OLA1: variants seen among roughly 807,000 people sequenced by gnomAD.
The protein encoded by OLA1 is Obg like ATPase 1, also known as obg-like ATPase 1.
Under a neutral mutation model 48.4 loss-of-function variants are expected in OLA1, and 14 were observed. The observed-to-expected ratio is 0.29, with a 90% CI of 0.19 to 0.45. The LOEUF is 0.45. OLA1 is among the 20% of genes least tolerant of loss of function. The pLI, the probability that OLA1 is intolerant of heterozygous loss-of-function variation, is 1.00. For missense variants in OLA1, 325 were observed against 467.1 expected, an observed-to-expected ratio of 0.70 and a Z score of 2.80; for synonymous variants, 127 against 150.4, an observed-to-expected ratio of 0.84 and a Z score of 1.14.
chr2:174,142,112 T>G, intron 4 of OLA1, 112 bp from the exon 5 acceptor site: 2 of 959,040 alleles, frequency 2.1e-6, no homozygotes, highest in Non-Finnish European at 3.1e-6. Flanking sequence ...AATAAATTAC[T>G]CTGGCTTCTT....
chr2:174,217,582 T>C (rs1688391459), intron 4 of OLA1, among the ~76,000 whole-genome samples: 1 of 152,112 alleles, frequency 6.6e-6, no homozygotes, highest in African/African-American at 2.4e-5. Flanking sequence ...CAGTCAGATG[T>C]ATACATGTCT....
At chr2:174,076,359 G>A (rs535410613) in intron 10 of OLA1, among the ~76,000 whole-genome samples, 108 of 152,230 alleles carry the variant, frequency 7.1e-4, no homozygotes, top group African/African-American at 2.5e-3. Flanking sequence ...GCACACAGCT[G>A]ACATGGTCCC....
intron 4 of OLA1, among the ~76,000 whole-genome samples, chr2:174,211,688 A>T (rs193159159): frequency 1.4e-3 from 207 of 152,282 alleles, no homozygotes; most frequent in Non-Finnish European, 2.1e-3. Flanking sequence ...GAAATCTATC[A>T]ATAGTATAAT....
chr2:174,078,546 T>C (rs1684797051), intron 10 of OLA1, among the ~76,000 whole-genome samples: 1 of 151,940 alleles, frequency 6.6e-6, no homozygotes. Context: ...AGTAAAACCA[T>C]GAAGTTTTAG....
At chr2:174,143,422 T>C (rs764780606) in intron 4 of OLA1, among the ~76,000 whole-genome samples, 44 of 152,216 alleles carry the variant, frequency 2.9e-4, no homozygotes, top group Middle Eastern at 3.4e-3. Flanking sequence ...CTTATGCAAA[T>C]AGCATGATAA....
At chr2:174,141,214 G>A (rs541764590) in intron 5 of OLA1, among the ~76,000 whole-genome samples, 8 of 152,352 alleles carry the variant, frequency 5.3e-5, no homozygotes, top group African/African-American at 1.7e-4. Flanking sequence ...TTATAGGCGT[G>A]AGCCACCACG....
At chr2:174,134,084 C>T (rs956672356) in intron 5 of OLA1, among the ~76,000 whole-genome samples, 2 of 152,314 alleles carry the variant, frequency 1.3e-5, no homozygotes, top group African/African-American at 4.8e-5. Flanking sequence ...TTTTGAGGCT[C>T]ATGCACATTG....
intron 5 of OLA1, among the ~76,000 whole-genome samples, chr2:174,137,322 G>C (rs989348230): frequency 3.3e-5 from 5 of 152,138 alleles, no homozygotes; most frequent in Admixed American, 6.5e-5. Context: ...GCTGTAAACA[G>C]ATGTGCTGTC....
chr2:174,152,016 G>C (rs530850589), intron 4 of OLA1, among the ~76,000 whole-genome samples: 4 of 152,294 alleles, frequency 2.6e-5, no homozygotes, highest in African/African-American at 9.6e-5. Flanking sequence ...AAAGCAATTT[G>C]AGCAATTTGA....
At chr2:174,172,099 T>G (rs1457623533) in intron 4 of OLA1, 1 of 215,314 alleles carries the variant, frequency 4.6e-6, no homozygotes, top group African/African-American at 2.3e-5. Flanking sequence ...GTGAGATGTA[T>G]TTGTACACCA....
intron 4 of OLA1, among the ~76,000 whole-genome samples, chr2:174,142,506 C>G (rs1342398171): frequency 6.6e-6 from 1 of 152,100 alleles, no homozygotes; most frequent in African/African-American, 2.4e-5. Flanking sequence ...TTTCATCGGC[C>G]TGATTTGAGG....
intron 7 of OLA1, among the ~76,000 whole-genome samples, chr2:174,083,403 T>C (rs1415404719): frequency 6.6e-6 from 1 of 152,136 alleles, no homozygotes; most frequent in African/African-American, 2.4e-5. Flanking sequence ...CACAAGAGTT[T>C]GTATATGTTT....
At chr2:174,186,653 A>G (rs971046927) in intron 4 of OLA1, among the ~76,000 whole-genome samples, 2 of 151,444 alleles carry the variant, frequency 1.3e-5, no homozygotes, top group African/African-American at 4.8e-5. Flanking sequence ...GCCAAGACCT[A>G]TGTGCATTAC....
At chr2:174,163,590 T>C (rs1167066810) in intron 4 of OLA1, among the ~76,000 whole-genome samples, 2 of 150,542 alleles carry the variant, frequency 1.3e-5, no homozygotes, top group Non-Finnish European at 3.0e-5. Context: ...CTCGGGAGGC[T>C]GAGGCAGGAG....
chr2:174,082,636 AT>A (rs1684882446), intron 7 of OLA1, among the ~76,000 whole-genome samples: 1 of 152,134 alleles, frequency 6.6e-6, no homozygotes, highest in Admixed American at 6.6e-5. Context: ...AGATTTACAA[AT>A]ATGGTTGATC....
chr2:174,095,020 T>A (rs1685214548), intron 7 of OLA1, among the ~76,000 whole-genome samples: 1 of 152,238 alleles, frequency 6.6e-6, no homozygotes, highest in African/African-American at 2.4e-5. Context: ...TGTTTGTATG[T>A]CTATACTACA....
At chr2:174,221,578 GTTCTCTTGCCCCGATCC>G (rs1348926099) in intron 4 of OLA1, among the ~76,000 whole-genome samples, 2 of 151,950 alleles carry the variant, frequency 1.3e-5, no homozygotes, top group Non-Finnish European at 2.9e-5. Context: ...CAAATCTTCA[GTTCTCTTGCCCCGATCC>G]TTCTGTCACG....
intron 5 of OLA1, among the ~76,000 whole-genome samples, chr2:174,135,107 C>T (rs1028338076): frequency 5.6e-5 from 8 of 142,556 alleles, no homozygotes; most frequent in African/African-American, 2.1e-4. Flanking sequence ...TAGCAGTGAG[C>T]CAAGATCGTG....
At chr2:174,197,429 GTTGT>G (rs1400853384) in intron 4 of OLA1, among the ~76,000 whole-genome samples, 1 of 103,596 alleles carries the variant, frequency 9.7e-6, no homozygotes, top group Non-Finnish European at 1.9e-5. Context: ...TTGTTGGTTT[GTTGT>G]TTTTTTTTTT....
Sources: allele counts gnomAD v4.1 joint callset (sites outside exome capture counted in the v4.1 genomes callset), GRCh38; gene constraint gnomAD v4.1.1; transcripts MANE v1.5; gene names NCBI Gene and HGNC (gene_info 2026-07-23, HGNC 2026-07-21).